Variants in TPTE observed in about 807,000 individuals in gnomAD.
The protein encoded by TPTE is transmembrane phosphatase with tensin homology.
In TPTE, 59 loss-of-function variants were observed where a neutral mutation model predicts 84.1. That is an observed-to-expected ratio of 0.70 (90% CI 0.57 to 0.87). The LOEUF is 0.87. Among genes scored for constraint, TPTE ranks in the 40% least tolerant of loss-of-function variants. The pLI is 0.00. For missense variants in TPTE, 382 were observed against 659.6 expected, an observed-to-expected ratio of 0.58 and a Z score of 4.61; for synonymous variants, 130 against 223.5, an observed-to-expected ratio of 0.58 and a Z score of 3.73.
At chr21:10,543,259 C>A (rs1207962082) in intron 6 of TPTE, 70 bp from the exon 7 acceptor site, 1 of 1,527,108 alleles carries the variant, frequency 6.5e-7, no homozygotes, top group Non-Finnish European at 8.8e-7. Flanking sequence ...GTCTCAATCT[C>A]CTGACCTCAT....
intron 7 of TPTE, among the ~76,000 whole-genome samples, chr21:10,549,264 C>T (rs541791712): frequency 2.0e-5 from 3 of 152,296 alleles, no homozygotes; most frequent in Non-Finnish European, 2.9e-5. Flanking sequence ...GAAAAGGTGA[C>T]TTTTTCACCA....
chr21:10,557,791 A>G (rs2074712575), intron 8 of TPTE, among the ~76,000 whole-genome samples: 1 of 152,306 alleles, frequency 6.6e-6, no homozygotes, highest in East Asian at 1.9e-4. Flanking sequence ...GGTTTGCTAC[A>G]TAGGTAAACT....
At chr21:10,586,516 A>G in intron 17 of TPTE, among the ~76,000 whole-genome samples, 1 of 152,422 alleles carries the variant, frequency 6.6e-6, no homozygotes, top group East Asian at 1.9e-4. Context: ...TGTTTTCTGT[A>G]CATTTGAAAA....
chr21:10,585,169 C>G (rs2075340276), intron 17 of TPTE, among the ~76,000 whole-genome samples: 1 of 152,396 alleles, frequency 6.6e-6, no homozygotes, highest in African/African-American at 2.4e-5. Context: ...GGCAGAGGTT[C>G]CAGTGAGCCA....
intron 14 of TPTE, among the ~76,000 whole-genome samples, chr21:10,570,956 C>T (rs569582996): frequency 1.3e-5 from 2 of 152,384 alleles, no homozygotes; most frequent in East Asian, 1.9e-4. Flanking sequence ...AATGCACCCC[C>T]CAAGGCCCAA....
chr21:10,601,985 G>C, intron 21 of TPTE, 73 bp from the exon 22 acceptor site: 2 of 1,506,592 alleles, frequency 1.3e-6, no homozygotes, highest in Middle Eastern at 3.4e-4. Flanking sequence ...AGGAAGTCAT[G>C]ATAAGTGAAA....
chr21:10,554,878 C>T (rs552322067), intron 8 of TPTE, among the ~76,000 whole-genome samples: 213 of 152,322 alleles, frequency 1.4e-3, no homozygotes, highest in African/African-American at 4.9e-3. Context: ...ATGAACATGT[C>T]ATCCCTCTGT....
intron 17 of TPTE, among the ~76,000 whole-genome samples, chr21:10,582,249 A>G (rs112941156): frequency 0.017 from 2,484 of 148,498 alleles, no homozygotes; most frequent in African/African-American, 0.063. Context: ...TAGATAGCCA[A>G]TTGTCCTAAC....
rs1178726698 is a variant in TPTE at position 10,540,326 on chromosome 21, C to A, written c.12-786C>A. Among the ~76,000 whole-genome samples the A allele has an allele frequency of 3.3e-5, 5 of 152,422 alleles. No individual in the cohort carries two copies. In the East Asian group the frequency reaches 9.6e-4, roughly 29 times the overall value. On this transcript the variant is annotated intron_variant, in intron 4 of 23. Coordinates refer to ENST00000618007, the MANE Select transcript of TPTE (RefSeq NM_199261.4). ...AGGCATCCATGGGAACAAGGAGTTC[C>A]CTTGAAACTATTTCTAGAGTCCTCT...
At chr21:10,587,971 T>C (rs1219506176) in intron 17 of TPTE, among the ~76,000 whole-genome samples, 4 of 152,300 alleles carry the variant, frequency 2.6e-5, no homozygotes, top group Non-Finnish European at 5.9e-5. Context: ...GCCTCAGCCT[T>C]CTGAGTCACT....
intron 10 of TPTE, among the ~76,000 whole-genome samples, chr21:10,561,892 T>TTA (rs2074812905): frequency 6.6e-6 from 1 of 152,312 alleles, no homozygotes; most frequent in Non-Finnish European, 1.5e-5. Flanking sequence ...AGTAAACTCC[T>TTA]GCAATAGCTA....
chr21:10,535,286 G>A (rs1415233519), intron 3 of TPTE, among the ~76,000 whole-genome samples: 1 of 152,300 alleles, frequency 6.6e-6, no homozygotes, highest in Non-Finnish European at 1.5e-5. Context: ...TTAGAAACAA[G>A]GATTTATATA....
At chr21:10,578,714 A>G in intron 17 of TPTE, 109 bp downstream of exon 17, 2 of 1,557,490 alleles carry the variant, frequency 1.3e-6, no homozygotes, top group East Asian at 2.3e-5. Flanking sequence ...AATTGTTAGC[A>G]TTTTTAAATA....
chr21:10,543,337 C>T lies in TPTE; in HGVS notation c.128C>T (p.Thr43Ile). Residue 43 changes from threonine to isoleucine, a missense_variant, in exon 7 of 24, where the codon ACA (threonine) becomes ATA (isoleucine). Around this residue, in one of 10 missense-constraint regions of TPTE, gnomAD observed 7 missense variants for 19.0 expected, o/e 0.37. Coordinates refer to ENST00000618007, the MANE Select transcript of TPTE (RefSeq NM_199261.4). ...CTTTTATCATCCTCTAGCCCACACA[C>T]AAGTGAATTTAAAGGAGCAGCCCGG... The part of the protein sequence containing the change: ...EEAPAKESPH[T>I]SEFKGAARVS... 1 of 1,613,984 alleles carries T rather than the reference C, an allele frequency of 6.2e-7. No individual in the cohort carries two copies. The highest frequency in any genetic ancestry group is 1.1e-5 in the South Asian group (1 of 91,078).
In TPTE at chr21:10,571,828, G is replaced by A. The variant is rs1264883572; in HGVS notation, c.795+1279G>A. ...TCAAGACAAGCCTGATTAACACGGC[G>A]AAATCCTGTCTCTAAAAAATACAAA... On this transcript the variant is annotated intron_variant, in intron 14 of 23. Transcript: ENST00000618007. Among the ~76,000 whole-genome samples the A allele has an allele frequency of 4.1e-4, 62 of 152,276 alleles. No homozygotes were observed. In the South Asian group the frequency reaches 6.3e-3, roughly 15 times the overall value.
At chr21:10,543,054 G>A (rs1346206957) in intron 6 of TPTE, among the ~76,000 whole-genome samples, 9 of 99,450 alleles carry the variant, frequency 9.0e-5, no homozygotes, top group East Asian at 3.5e-4. Flanking sequence ...ACGGAGTCTC[G>A]CTCTGTCGCC....
intron 19 of TPTE, among the ~76,000 whole-genome samples, chr21:10,592,905 C>G (rs1422952850): frequency 1.3e-5 from 2 of 152,306 alleles, no homozygotes; most frequent in African/African-American, 2.4e-5. Flanking sequence ...TTTCAAAACC[C>G]CTTCTGTATC....
At chr21:10,564,507 C>G (rs1448684947) in intron 10 of TPTE, among the ~76,000 whole-genome samples, 1 of 152,306 alleles carries the variant, frequency 6.6e-6, no homozygotes, top group Non-Finnish European at 1.5e-5. Flanking sequence ...GAGATTCAGT[C>G]TCAAAAAGAA....
In TPTE at chr21:10,538,666, T is replaced by G; in HGVS notation, c.-43-15T>G. ...TGTGTCTCCTGTCTGACTATATTCT[T>G]TTGACATCCTCTAGTCCACCCACAA... On this transcript the variant is annotated splice_polypyrimidine_tract_variant and intron_variant, in intron 3 of 23. Coordinates refer to ENST00000618007, the MANE Select transcript of TPTE (RefSeq NM_199261.4). 6.2e-7 allele frequency: 1 copy of G among 1,614,028 alleles called. No homozygotes were observed. Among genetic ancestry groups the G allele is most frequent in the Non-Finnish European group, 8.5e-7 (1 of 1,179,848 alleles).
Sources: gnomAD v4.1 joint callset for allele counts (sites outside exome capture counted in the v4.1 genomes callset) on GRCh38, gnomAD v4.1.1 for gene constraint, gnomAD v4.1.1 regional missense constraint, MANE v1.5 for transcripts, NCBI Gene and HGNC (gene_info 2026-07-23, HGNC 2026-07-21) for gene names.